Variants in OCLN observed in about 807,000 individuals in gnomAD.
OCLN encodes the protein phosphatase 1, regulatory subunit 115.
In OCLN, 21 loss-of-function variants were observed where a neutral mutation model predicts 47.9. The observed-to-expected ratio is 0.44, with a 90% CI of 0.31 to 0.63. The LOEUF (loss-of-function observed/expected upper bound fraction) is 0.63. Ranked by LOEUF, OCLN falls within the 30% of genes least tolerant of loss-of-function variation. The pLI is 0.08. For synonymous variants in OCLN, 117 were observed against 198.4 expected, an observed-to-expected ratio of 0.59 and a Z score of 3.45; for missense variants, 360 against 571.0, an observed-to-expected ratio of 0.63 and a Z score of 3.77.
At chr5:69,528,834 TA>T (rs1348857412) in intron 4 of OCLN, among the ~76,000 whole-genome samples, 2 of 152,196 alleles carry the variant, frequency 1.3e-5, no homozygotes, top group Admixed American at 1.3e-4. Context: ...CTTTCCTTCT[TA>T]GAGGTAGATG....
At chr5:69,513,853 C>T in intron 3 of OCLN, 95 bp from the exon 4 acceptor site, 1 of 1,046,164 alleles carries the variant, frequency 9.6e-7, no homozygotes, top group South Asian at 1.3e-5. Flanking sequence ...TTAGTAGGGC[C>T]TTAGGGTAGA....
chr5:69,501,738 A>T (rs1258815128), intron 1 of OCLN, among the ~76,000 whole-genome samples: 1 of 152,180 alleles, frequency 6.6e-6, no homozygotes, highest in Non-Finnish European at 1.5e-5. Context: ...AGTGGCTTTT[A>T]AAAATGTAGA....
chr5:69,496,356 C>T (rs934169413), intron 1 of OCLN, among the ~76,000 whole-genome samples: 5 of 152,030 alleles, frequency 3.3e-5, no homozygotes, highest in Non-Finnish European at 7.4e-5. Flanking sequence ...TCTCGGCCCC[C>T]CAAAGTGCTG....
chr5:69,525,657 T>TA (rs1769259762), intron 4 of OCLN, among the ~76,000 whole-genome samples: 1 of 152,218 alleles, frequency 6.6e-6, no homozygotes, highest in African/African-American at 2.4e-5. Context: ...TCTTGATTTT[T>TA]ATAAGAGTTT....
At chr5:69,494,020 G>C (rs1409595259) in intron 1 of OCLN, among the ~76,000 whole-genome samples, 1 of 152,220 alleles carries the variant, frequency 6.6e-6, no homozygotes, top group Non-Finnish European at 1.5e-5. Flanking sequence ...GTCAGTGTGT[G>C]GCCCTTAGGC....
Position 69,504,177 on chromosome 5 carries a change from A to G in OCLN, c.-68A>G, listed in dbSNP as rs1459671354. 6 of 1,069,438 alleles carry G rather than the reference A, an allele frequency of 5.6e-6. No individual in the cohort carries two copies. In the African/African-American group the frequency reaches 7.8e-5, roughly 14 times the overall value. The allele number at this position is 1,069,438 out of a possible 1,614,324, so 66.2% of individuals were successfully genotyped here. On this transcript the variant is annotated splice_region_variant and 5_prime_UTR_variant, in exon 2 of 9. Coordinates refer to ENST00000396442, the MANE Select transcript of OCLN (RefSeq NM_001205254.2). ...CCATAACTCTACTTTTGTTGCTTAG[A>G]TTGGTTTATCTTGGAAGCTAAAGGG...
At chr5:69,512,041 A>AG (rs1413015598) in intron 3 of OCLN, among the ~76,000 whole-genome samples, 5 of 151,950 alleles carry the variant, frequency 3.3e-5, no homozygotes, top group Non-Finnish European at 5.9e-5. Flanking sequence ...AAAAAAAAAA[A>AG]AAAATTTTTA....
chr5:69,498,416 C>T (rs1385492607), intron 1 of OCLN, among the ~76,000 whole-genome samples: 2 of 152,022 alleles, frequency 1.3e-5, no homozygotes, highest in Admixed American at 6.6e-5. Context: ...ATTGCTTGAA[C>T]CTGGGAGGTG....
chr5:69,513,230 C>T (rs1473503265), intron 3 of OCLN, among the ~76,000 whole-genome samples: 2 of 152,202 alleles, frequency 1.3e-5, no homozygotes, highest in Non-Finnish European at 2.9e-5. Flanking sequence ...ACTTCAAGTG[C>T]CTCCCAGGCC....
intron 7 of OCLN, among the ~76,000 whole-genome samples, chr5:69,550,203 T>C: frequency 7.9e-6 from 1 of 126,348 alleles, no homozygotes; most frequent in African/African-American, 2.8e-5. Context: ...TTTTTTTTTT[T>C]TTTTTTGAGA....
intron 4 of OCLN, 24 bp downstream of exon 4, chr5:69,514,133 C>T: frequency 6.2e-7 from 1 of 1,605,992 alleles, no homozygotes; most frequent in Non-Finnish European, 8.5e-7. Flanking sequence ...AATAACTTTA[C>T]ATCTTTTATT....
intron 1 of OCLN, 42 bp from the exon 2 acceptor site, chr5:69,504,135 T>G: frequency 1.3e-5 from 10 of 788,572 alleles, no homozygotes; most frequent in East Asian, 2.5e-5. Context: ...AAAGAAACTG[T>G]GAGCTTAGTA....
At chr5:69,499,759 AT>A (rs918580145) in intron 1 of OCLN, among the ~76,000 whole-genome samples, 3 of 151,624 alleles carry the variant, frequency 2.0e-5, no homozygotes, top group African/African-American at 7.3e-5. Context: ...TAATTTTTGT[AT>A]TTTTTTAGTA....
At chr5:69,504,395 G>T in intron 2 of OCLN, 101 bp downstream of exon 2, 1 of 764,242 alleles carries the variant, frequency 1.3e-6, no homozygotes. Flanking sequence ...AAAATAAAAC[G>T]ATATGTGTAC....
chr5:69,518,538 C>T lies in OCLN; in HGVS notation c.891+4429C>T, dbSNP rs1213937300. On this transcript the variant is annotated intron_variant, in intron 4 of 8. Coordinates refer to ENST00000396442, the MANE Select transcript of OCLN (RefSeq NM_001205254.2). ...GTTCATGTCGCGGAATTCAATACCA[C>T]GTTCTCATTATTTCCTTAATTGATG... Among the ~76,000 whole-genome samples the T allele has an allele frequency of 2.0e-5, 3 of 152,204 alleles. No individual in the cohort carries two copies. In the East Asian group the frequency reaches 5.8e-4, roughly 29 times the overall value.
chr5:69,529,283 G>A (rs955974791), intron 4 of OCLN, among the ~76,000 whole-genome samples: 2 of 152,134 alleles, frequency 1.3e-5, no homozygotes, highest in African/African-American at 4.8e-5. Context: ...CAGGGGTTTA[G>A]GATGTTTTCA....
rs1251381956 is a variant in OCLN, at chr5:69,555,259, G to GTGTT, written c.*1589_*1590insGTTT. 3.0e-5 allele frequency: 2 copies of GTGTT among 66,346 alleles called. No individual in the cohort carries two copies. The highest frequency in any genetic ancestry group is 6.9e-5 in the African/African-American group (1 of 14,444). The allele number at this position is 66,346 out of a possible 1,614,324, so 4.1% of individuals were successfully genotyped here. A position where few individuals can be genotyped will look rare whatever the true frequency, so the allele number is the denominator to read the frequency against. ...TAAGTGTGTGTGTGTGTGTGTGTGT[G>GTGTT]TATTTTTTTTTTTTTTTTTTTGAGA... On this transcript the variant is annotated 3_prime_UTR_variant, in exon 9 of 9. Coordinates refer to ENST00000396442, the MANE Select transcript of OCLN (RefSeq NM_001205254.2).
intron 3 of OCLN, 142 bp from the exon 4 acceptor site, chr5:69,513,806 A>T: frequency 1.3e-6 from 1 of 756,904 alleles, no homozygotes; most frequent in Non-Finnish European, 2.2e-6. Context: ...AAATGTAACT[A>T]TTTGCTTCAG....
In OCLN at chr5:69,514,156, T is replaced by G. The variant is rs1404562449; in HGVS notation, c.891+47T>G. 2.6e-6 allele frequency: 4 copies of G among 1,536,908 alleles called. No individual in the cohort carries two copies. In the East Asian group the frequency reaches 6.8e-5, roughly 26 times the overall value. On this transcript the variant is annotated intron_variant, in intron 4 of 8. Transcript: ENST00000396442. Reference sequence around the variant, plus strand: ...TACATCTTTTATTAAAGCCCCAAATTTGTGTCTGAATTTTTAGTGCTTTGT... The same window carrying G: ...TACATCTTTTATTAAAGCCCCAAATGTGTGTCTGAATTTTTAGTGCTTTGT...
Sources: gnomAD v4.1 joint callset for allele counts (sites outside exome capture counted in the v4.1 genomes callset) on GRCh38, gnomAD v4.1.1 for gene constraint, MANE v1.5 for transcripts, NCBI Gene and HGNC (gene_info 2026-07-23, HGNC 2026-07-21) for gene names.